BMAL2: variants seen among roughly 807,000 people sequenced by gnomAD.
The protein encoded by BMAL2 is basic helix-loop-helix ARNT-like protein 2.
At chr12:27,420,019 G>GCACGCACA in the BMAL2 span, among the ~76,000 whole-genome samples, 4 of 147,570 alleles carry the variant, frequency 2.7e-5, no homozygotes, top group Admixed American at 1.4e-4. Context: ...GTTTGCGCGT[G>GCACGCACA]CACACACACA....
At chr12:27,412,125 T>C in the BMAL2 span, among the ~76,000 whole-genome samples, 4 of 152,308 alleles carry the variant, frequency 2.6e-5, no homozygotes, top group Non-Finnish European at 4.4e-5. Flanking sequence ...CCCCACTGAG[T>C]GTTCTTGGCA....
chr12:27,365,596 AT>A, the BMAL2 span, among the ~76,000 whole-genome samples: 1 of 151,842 alleles, frequency 6.6e-6, no homozygotes, highest in African/African-American at 2.4e-5. Flanking sequence ...TTTTGTTTCA[AT>A]TTCGGTAAGT....
the BMAL2 span, among the ~76,000 whole-genome samples, chr12:27,349,280 G>A: frequency 1.3e-5 from 2 of 152,172 alleles, no homozygotes; most frequent in Admixed American, 1.3e-4. Context: ...CAAACCTGTT[G>A]TACAATAATT....
the BMAL2 span, among the ~76,000 whole-genome samples, chr12:27,375,005 T>A: frequency 1.3e-5 from 2 of 152,212 alleles, no homozygotes; most frequent in African/African-American, 4.8e-5. Flanking sequence ...TTTATAAGCA[T>A]CTATTTATAA....
the BMAL2 span, chr12:27,380,239 C>T: frequency 1.1e-5 from 17 of 1,613,170 alleles, no homozygotes; most frequent in Middle Eastern, 9.9e-4. Flanking sequence ...GTTCCTTTTC[C>T]CTCTTAGAGA....
the BMAL2 span, among the ~76,000 whole-genome samples, chr12:27,398,423 C>G: frequency 3.9e-5 from 6 of 152,152 alleles, no homozygotes; most frequent in African/African-American, 1.4e-4. Context: ...GTCCTCATGA[C>G]TCCAATATTT....
At chr12:27,390,918 G>T in the BMAL2 span, among the ~76,000 whole-genome samples, 4 of 152,070 alleles carry the variant, frequency 2.6e-5, no homozygotes, top group African/African-American at 9.7e-5. Context: ...ATATTTATAT[G>T]GAGCCACAAA....
At chr12:27,403,579 AATATC>A in the BMAL2 span, 1 of 1,286,826 alleles carries the variant, frequency 7.8e-7, no homozygotes, top group African/African-American at 1.5e-5. Context: ...CAAAAGTAAA[AATATC>A]ATATTTATAA....
chr12:27,420,429 G>T, the BMAL2 span: 1 of 1,613,986 alleles, frequency 6.2e-7, no homozygotes, highest in South Asian at 1.1e-5. Context: ...GATGCCCTAT[G>T]TGACAATGAT....
the BMAL2 span, among the ~76,000 whole-genome samples, chr12:27,359,034 G>A: frequency 6.6e-6 from 1 of 151,452 alleles, no homozygotes; most frequent in African/African-American, 2.5e-5. Context: ...CCGTTGTAAC[G>A]CATTACCACA....
At chr12:27,337,695 G>T in the BMAL2 span, among the ~76,000 whole-genome samples, 5 of 152,076 alleles carry the variant, frequency 3.3e-5, no homozygotes, top group African/African-American at 1.2e-4. Flanking sequence ...TGTGATTTCT[G>T]GTTTCATTAC....
the BMAL2 span, among the ~76,000 whole-genome samples, chr12:27,398,857 A>T: frequency 3.3e-5 from 5 of 152,198 alleles, no homozygotes; most frequent in African/African-American, 1.2e-4. Context: ...GCTGAACCTG[A>T]TGTATAAGCC....
At chr12:27,406,179 A>G in the BMAL2 span, among the ~76,000 whole-genome samples, 4 of 152,258 alleles carry the variant, frequency 2.6e-5, no homozygotes, top group Non-Finnish European at 5.9e-5. Context: ...GCAGGATATT[A>G]TCCAGGAGAA....
the BMAL2 span, among the ~76,000 whole-genome samples, chr12:27,359,489 C>G: frequency 6.6e-6 from 1 of 151,830 alleles, no homozygotes; most frequent in East Asian, 1.9e-4. Context: ...TGAGACCAGC[C>G]TGGTCAACAC....
the BMAL2 span, among the ~76,000 whole-genome samples, chr12:27,406,004 T>G: frequency 1.3e-5 from 2 of 152,012 alleles, no homozygotes; most frequent in Non-Finnish European, 2.9e-5. Flanking sequence ...TGATGCAAGA[T>G]CAAATGAATG....
chr12:27,380,336 C>T, the BMAL2 span: 9 of 1,614,098 alleles, frequency 5.6e-6, no homozygotes, highest in South Asian at 9.9e-5. Context: ...CAGTGCAACC[C>T]CATGGCGCGT....
the BMAL2 span, among the ~76,000 whole-genome samples, chr12:27,350,106 C>G: frequency 6.6e-6 from 1 of 152,180 alleles, no homozygotes; most frequent in African/African-American, 2.4e-5. Context: ...TTTAGTCACC[C>G]CTGTGAAAAA....
At chr12:27,377,834 C>G in the BMAL2 span, among the ~76,000 whole-genome samples, 1 of 152,142 alleles carries the variant, frequency 6.6e-6, no homozygotes, top group Non-Finnish European at 1.5e-5. Flanking sequence ...AATCTGAATC[C>G]TATCCACTTC....
the BMAL2 span, among the ~76,000 whole-genome samples, chr12:27,364,404 A>G: frequency 6.6e-5 from 10 of 152,164 alleles, no homozygotes; most frequent in African/African-American, 1.9e-4. Flanking sequence ...GAGAAAACCA[A>G]TTGATCCCGG....
Sources: gnomAD v4.1 joint callset for allele counts (sites outside exome capture counted in the v4.1 genomes callset) on GRCh38, gnomAD v4.1.1 for gene constraint, MANE v1.5 for transcripts, NCBI Gene and HGNC (gene_info 2026-07-23, HGNC 2026-07-21) for gene names.